ZNF600: variants seen among roughly 807,000 people sequenced by gnomAD.
ZNF600 encodes zinc finger protein KR-ZNF1.
A neutral mutation model predicts 7.3 loss-of-function variants in ZNF600; 4 were observed. That is an observed-to-expected ratio of 0.55 (90% CI 0.27 to 1.25). The LOEUF (loss-of-function observed/expected upper bound fraction) is 1.25, where lower values mean the gene tolerates loss of function less well. Among genes scored for constraint, ZNF600 ranks in the 50% most tolerant of loss-of-function variants. ZNF600 has a pLI of 0.12. For synonymous variants in ZNF600, 290 were observed against 308.9 expected, an observed-to-expected ratio of 0.94 and a Z score of 0.64; for missense variants, 911 against 922.1, an observed-to-expected ratio of 0.99 and a Z score of 0.16.
chr19:52,797,801 T>C, the ZNF600 span: 5 of 152,258 alleles, frequency 3.3e-5, no homozygotes, highest in African/African-American at 7.2e-5. Flanking sequence ...ACAATACTCA[T>C]AGAAATCCCC....
At chr19:52,777,869 T>C (rs2062689025) in intron 2 of ZNF600, among the ~76,000 whole-genome samples, 1 of 152,068 alleles carries the variant, frequency 6.6e-6, no homozygotes, top group South Asian at 2.1e-4. Flanking sequence ...CATATATACA[T>C]ACATACGGTG....
intron 2 of ZNF600, among the ~76,000 whole-genome samples, chr19:52,775,704 T>A (rs971575537): frequency 1.3e-5 from 2 of 152,164 alleles, no homozygotes; most frequent in African/African-American, 4.8e-5. Flanking sequence ...ATGAAAAGTC[T>A]GAATCTAAAA....
the ZNF600 span, chr19:52,801,361 T>C: frequency 1.2e-6 from 2 of 1,614,214 alleles, no homozygotes; most frequent in East Asian, 2.2e-5. Flanking sequence ...TCAACTTGAT[T>C]ACCAATTTTC....
At chr19:52,823,506 G>T in the ZNF600 span, among the ~76,000 whole-genome samples, 1 of 152,122 alleles carries the variant, frequency 6.6e-6, no homozygotes, top group Admixed American at 6.5e-5. Context: ...GTGCGCCACC[G>T]CACCTGGCCA....
At chr19:52,808,383 T>C in the ZNF600 span, among the ~76,000 whole-genome samples, 2 of 152,188 alleles carry the variant, frequency 1.3e-5, no homozygotes, top group African/African-American at 2.4e-5. Context: ...ATTCCTGTTA[T>C]AAAAATGTTT....
At chr19:52,826,737 C>G in the ZNF600 span, among the ~76,000 whole-genome samples, 5 of 151,616 alleles carry the variant, frequency 3.3e-5, no homozygotes, top group Non-Finnish European at 4.4e-5. Context: ...TCAGCTGGGC[C>G]TGGTGGTGCA....
intron 1 of ZNF600, among the ~76,000 whole-genome samples, chr19:52,780,136 A>C (rs1379208959): frequency 6.6e-6 from 1 of 152,186 alleles, no homozygotes; most frequent in East Asian, 1.9e-4. Context: ...TTCCCAGACC[A>C]AATCAATGTA....
At chr19:52,822,065 T>G in the ZNF600 span, among the ~76,000 whole-genome samples, 2 of 139,102 alleles carry the variant, frequency 1.4e-5, no homozygotes, top group South Asian at 4.4e-4. Context: ...TTTTTTCTTT[T>G]CTTTTTCCCT....
chr19:52,799,435 T>G, the ZNF600 span: 39 of 750,618 alleles, frequency 5.2e-5, 1 homozygote, highest in Non-Finnish European at 8.9e-6. Context: ...TCTTCCTATT[T>G]GTAAAGTTTC....
chr19:52,794,594 C>T, the ZNF600 span, among the ~76,000 whole-genome samples: 8 of 152,152 alleles, frequency 5.3e-5, no homozygotes, highest in African/African-American at 1.2e-4. Flanking sequence ...GGCGGCTCAC[C>T]CTGTAATCCC....
the ZNF600 span, chr19:52,801,138 G>A: frequency 1.9e-6 from 3 of 1,613,898 alleles, no homozygotes; most frequent in African/African-American, 1.3e-5. Context: ...TTCTAAGTGG[G>A]TTATCTGATG....
the ZNF600 span, chr19:52,798,780 C>A: frequency 4.3e-6 from 3 of 701,308 alleles, no homozygotes; most frequent in Non-Finnish European, 7.3e-6. Context: ...TAAGATCTCT[C>A]ATTATGGATT....
At chr19:52,810,146 G>T in the ZNF600 span, 4 of 912,204 alleles carry the variant, frequency 4.4e-6, no homozygotes, top group Admixed American at 5.2e-5. Flanking sequence ...GTGACCCGGG[G>T]CTGGAAGCTA....
chr19:52,795,336 C>T, the ZNF600 span, among the ~76,000 whole-genome samples: 1 of 152,212 alleles, frequency 6.6e-6, no homozygotes, highest in African/African-American at 2.4e-5. Context: ...AATCATTTAT[C>T]AGGTACCAGA....
At chr19:52,816,438 G>A in the ZNF600 span, among the ~76,000 whole-genome samples, 1 of 145,942 alleles carries the variant, frequency 6.9e-6, no homozygotes, top group Non-Finnish European at 1.5e-5. Flanking sequence ...GCTGAGGTGG[G>A]AGGATAACGA....
chr19:52,819,461 C>T, the ZNF600 span, among the ~76,000 whole-genome samples: 187 of 119,460 alleles, frequency 1.6e-3, 11 homozygotes, highest in Middle Eastern at 8.6e-3. Context: ...CTGGGCACTC[C>T]CCTCTACCAG....
At chr19:52,800,972 C>A in the ZNF600 span, 1 of 1,614,062 alleles carries the variant, frequency 6.2e-7, no homozygotes, top group Non-Finnish European at 8.5e-7. Flanking sequence ...CAGTATGAAG[C>A]GCCTTGTGAA....
At chr19:52,795,446 A>AT in the ZNF600 span, among the ~76,000 whole-genome samples, 440 of 151,322 alleles carry the variant, frequency 2.9e-3, 4 homozygotes, top group African/African-American at 9.2e-3. Context: ...GTGGTTAAAA[A>AT]AATATATATA....
the ZNF600 span, among the ~76,000 whole-genome samples, chr19:52,810,922 G>C: frequency 3.2e-5 from 3 of 93,234 alleles, no homozygotes; most frequent in Admixed American, 1.5e-4. Context: ...TCCCTCCACA[G>C]TCTCCCTCTG....
Sources: allele counts gnomAD v4.1 joint callset (sites outside exome capture counted in the v4.1 genomes callset), GRCh38; gene constraint gnomAD v4.1.1; transcripts MANE v1.5; gene names NCBI Gene and HGNC (gene_info 2026-07-23, HGNC 2026-07-21).